Variants in GLIS3 observed in about 807,000 individuals in gnomAD.
The protein encoded by GLIS3 is GLIS family zinc finger 3.
GLIS3 carries 53 observed loss-of-function variants against 78.6 expected under a neutral mutation model. The observed-to-expected ratio is 0.67, with a 90% confidence interval of 0.54 to 0.85. The LOEUF (loss-of-function observed/expected upper bound fraction) is 0.85, where lower values mean the gene tolerates loss of function less well. GLIS3 is among the 40% of genes least tolerant of loss of function. GLIS3 has a pLI of 0.00. For synonymous variants in GLIS3, 684 were observed against 509.9 expected (o/e 1.34, Z -4.60); for missense variants, 1,703 against 1,231.1 (o/e 1.38, Z -5.74).
chr9:4,403,204 T>A, the GLIS3 span, among the ~76,000 whole-genome samples: 1 of 152,060 alleles, frequency 6.6e-6, no homozygotes, highest in Non-Finnish European at 1.5e-5. Flanking sequence ...TTTTACCCTA[T>A]CTGGTGAAAA....
At chr9:4,082,678 G>C (rs73392536) in intron 4 of GLIS3, among the ~76,000 whole-genome samples, 2,377 of 152,238 alleles carry the variant, frequency 0.016, 60 homozygotes, top group African/African-American at 0.051. Context: ...GGGAGGCAGT[G>C]GGTCAAGATG....
intron 8 of GLIS3, among the ~76,000 whole-genome samples, chr9:3,860,150 C>T (rs895569438): frequency 6.6e-6 from 1 of 151,750 alleles, no homozygotes; most frequent in Admixed American, 6.6e-5. Flanking sequence ...TGGTGGGTGC[C>T]TGTAGTCACA....
the GLIS3 span, among the ~76,000 whole-genome samples, chr9:4,386,072 A>T: frequency 1.3e-5 from 2 of 152,186 alleles, no homozygotes; most frequent in Non-Finnish European, 2.9e-5. Context: ...GTGAGAATTT[A>T]TCCCTTCTGC....
At chr9:4,320,051 G>A (rs1817501493) in intron 2 of GLIS3, among the ~76,000 whole-genome samples, 1 of 151,174 alleles carries the variant, frequency 6.6e-6, no homozygotes, top group Non-Finnish European at 1.5e-5. Flanking sequence ...CAAATTAGTT[G>A]CTAAGTAAGA....
At chr9:4,247,677 T>C (rs969467231) in intron 2 of GLIS3, among the ~76,000 whole-genome samples, 1 of 152,118 alleles carries the variant, frequency 6.6e-6, no homozygotes, top group Non-Finnish European at 1.5e-5. Flanking sequence ...AATATTTAAA[T>C]ATTAAAAGAA....
At chr9:4,456,189 A>G in the GLIS3 span, among the ~76,000 whole-genome samples, 1 of 152,240 alleles carries the variant, frequency 6.6e-6, no homozygotes, top group East Asian at 1.9e-4. Flanking sequence ...GCAATGCACA[A>G]ACTTTAATTT....
chr9:4,245,192 T>C (rs941098245), intron 2 of GLIS3, among the ~76,000 whole-genome samples: 6 of 152,216 alleles, frequency 3.9e-5, no homozygotes, highest in African/African-American at 1.2e-4. Flanking sequence ...CCAGATCATG[T>C]TGGTTTAGAG....
At chr9:4,434,201 T>C in the GLIS3 span, among the ~76,000 whole-genome samples, 1 of 152,116 alleles carries the variant, frequency 6.6e-6, no homozygotes, top group African/African-American at 2.4e-5. Context: ...ATGTATATAG[T>C]TATTTATCCA....
At chr9:3,881,769 C>T (rs1202778494) in intron 7 of GLIS3, among the ~76,000 whole-genome samples, 1 of 152,010 alleles carries the variant, frequency 6.6e-6, no homozygotes, top group Non-Finnish European at 1.5e-5. Flanking sequence ...GTGTTCCTGC[C>T]CTTGGGGAAA....
intron 9 of GLIS3, among the ~76,000 whole-genome samples, chr9:3,849,304 C>G (rs1819264409): frequency 6.6e-6 from 1 of 152,200 alleles, no homozygotes; most frequent in Non-Finnish European, 1.5e-5. Context: ...TTGGCAGCCC[C>G]TCCGGTGTGC....
chr9:4,154,612 T>TAAAGAC lies in GLIS3; in HGVS notation c.389-28672_389-28671insGTCTTT, dbSNP rs1365387047. ...ATAAACAGTCCTTGCGAATCAATGA[T>TAAAGAC]AAACATTCATGTAGGGGGAAAAACA... is the stretch of plus-strand genomic sequence containing the variant. On this transcript the variant is annotated intron_variant, in intron 2 of 10. Transcript: ENST00000381971. 2.6e-5 allele frequency among the ~76,000 whole-genome samples: 4 copies of TAAAGAC among 151,800 alleles called. No homozygotes were observed. The East Asian group carries it at 7.7e-4, about 29-fold the overall frequency.
At chr9:4,196,830 T>G (rs546807077) in intron 2 of GLIS3, among the ~76,000 whole-genome samples, 4 of 152,130 alleles carry the variant, frequency 2.6e-5, no homozygotes, top group Non-Finnish European at 5.9e-5. Context: ...CACAATGAGA[T>G]GTGCAACCAA....
At position 4,118,023 on chromosome 9, in the gene GLIS3, G is replaced by T. The variant is rs1294936744; in HGVS notation, c.1455C>A (p.Ala485=). The part of the protein sequence containing the change: ...PHAQQLALPQ[A]TLDDDGEMDG... ...CCATCTCCCCGTCGTCGTCCAGGGT[G>T]GCCTGGGGCAAGGCCAGCTGCTGGG... Residue 485 remains alanine (A), a synonymous_variant, in exon 4 of 11, where the codon GCC becomes GCA. Coordinates refer to ENST00000381971, the MANE Select transcript of GLIS3 (RefSeq NM_001042413.2). The surrounding 1 kb of genome is among the most constrained non-coding windows in gnomAD (Gnocchi z 4.7). 5 of 1,603,348 alleles carry T rather than the reference G, an allele frequency of 3.1e-6. No individual in the cohort carries two copies. In the East Asian group the frequency reaches 1.1e-4, roughly 36 times the overall value.
chr9:3,999,103 T>TA (rs1350985753), intron 4 of GLIS3, among the ~76,000 whole-genome samples: 1 of 152,156 alleles, frequency 6.6e-6, no homozygotes, highest in Non-Finnish European at 1.5e-5. Context: ...CACATCAGCT[T>TA]ATAGAAATAT....
chr9:4,157,426 T>A (rs913872665), intron 2 of GLIS3, among the ~76,000 whole-genome samples: 84 of 152,256 alleles, frequency 5.5e-4, no homozygotes, highest in Admixed American at 1.8e-3. Context: ...TGTTGCACAA[T>A]GAAATGTTCA....
At chr9:4,188,815 C>G (rs201539535) in intron 2 of GLIS3, among the ~76,000 whole-genome samples, 1 of 152,032 alleles carries the variant, frequency 6.6e-6, no homozygotes, top group Non-Finnish European at 1.5e-5. Flanking sequence ...TGATGGTAGT[C>G]TGTATTTCTG....
chr9:4,167,034 C>T (rs921333918), intron 2 of GLIS3, among the ~76,000 whole-genome samples: 2 of 151,948 alleles, frequency 1.3e-5, no homozygotes, highest in Non-Finnish European at 2.9e-5. Flanking sequence ...GACAGACGAA[C>T]AAAACATTGA....
At chr9:3,907,619 CACACAG>C (rs57256585) in intron 6 of GLIS3, among the ~76,000 whole-genome samples, 11,838 of 84,246 alleles carry the variant, frequency 0.14, 706 homozygotes, top group South Asian at 0.26. Context: ...CACACACACA[CACACAG>C]ACACACACAC....
intron 1 of GLIS3, chr9:4,298,569 C>T (rs1342623504): frequency 9.5e-6 from 3 of 314,510 alleles, no homozygotes; most frequent in Non-Finnish European, 1.9e-5. Context: ...GCGACCCGGG[C>T]CGACTTCAAA....
Sources: allele counts gnomAD v4.1 joint callset (sites outside exome capture counted in the v4.1 genomes callset), GRCh38; gene constraint gnomAD v4.1.1; non-coding constraint Gnocchi (gnomAD v3.1); transcripts MANE v1.5; gene names NCBI Gene and HGNC (gene_info 2026-07-23, HGNC 2026-07-21).